Variants in MIEN1 observed in about 807,000 individuals in gnomAD.
MIEN1 encodes the protein migration and invasion enhancer 1.
MIEN1 carries 12 observed loss-of-function variants against 15.5 expected under a neutral mutation model. The ratio of observed to expected loss-of-function variants is 0.78; its 90% CI spans 0.50 to 1.26. MIEN1 has a LOEUF of 1.26. Ranked by LOEUF, MIEN1 falls within the 50% of genes most tolerant of loss-of-function variation. The pLI is 0.00. For synonymous variants in MIEN1, 63 were observed against 62.8 expected (o/e 1.00, Z -0.02); for missense variants, 160 against 151.7 (o/e 1.05, Z -0.29).
chr17:39,729,523 C>T lies in MIEN1; in HGVS notation c.347G>A (p.Ter116=), dbSNP rs2059921083. The T allele has an allele frequency of 5.0e-6, 8 of 1,613,504 alleles. No individual in the cohort carries two copies. In the African/African-American group the frequency reaches 6.7e-5, roughly 13 times the overall value. Residue 116 remains the stop codon, a stop_retained_variant, in exon 4 of 4, where the codon TGA becomes TAA. Coordinates refer to ENST00000394231, the MANE Select transcript of MIEN1 (RefSeq NM_032339.5). The stretch of plus-strand genomic sequence containing the variant: ...GCAGGAACCCAGAGTCCTGTGCAGT[C>T]ACAGGATGACGCAGGGAGGACGGCT... ...TNSRPPCVIL[*]
chr17:39,729,318 G>C lies in MIEN1; in HGVS notation c.*204C>G. The C allele has an allele frequency of 1.6e-6, 1 of 623,618 alleles. No homozygotes were observed. The highest frequency in any genetic ancestry group is 2.8e-6 in the Non-Finnish European group (1 of 357,780). 38.6% of individuals were successfully genotyped at this position (623,618 alleles called of 1,614,324 possible). A position where few individuals can be genotyped will look rare whatever the true frequency, so the allele number is the denominator to read the frequency against. On this transcript the variant is annotated 3_prime_UTR_variant, in exon 4 of 4. Coordinates refer to ENST00000394231, the MANE Select transcript of MIEN1 (RefSeq NM_032339.5). The stretch of plus-strand genomic sequence containing the variant: ...AAGGGGGTATGAGGTGGCTGGAGAA[G>C]TGTTCATGGAGAGTGTCTCTCTCCT...
At position 39,730,183 on chromosome 17, in the gene MIEN1, G is replaced by A. The variant is rs1198775538; in HGVS notation, c.187+11C>T. 6.3e-7 allele frequency: 1 copy of A among 1,594,162 alleles called. No homozygotes were observed. Among genetic ancestry groups the A allele is most frequent in the East Asian group, 2.2e-5 (1 of 44,468 alleles). On this transcript the variant is annotated intron_variant, in intron 2 of 3. Transcript: ENST00000394231. Reference sequence around the variant, plus strand: ...CACAGACTGACCCAGCAGGTGTTCTGCGAGCCTCACCTGTGCCCCCGAGGC... The same window carrying A: ...CACAGACTGACCCAGCAGGTGTTCTACGAGCCTCACCTGTGCCCCCGAGGC...
rs1354489004 is a variant in MIEN1 at position 39,730,464 on chromosome 17, G to A, written c.32C>T (p.Ala11Val). ...CGGCTCGACCTCCTCGGGAGGGGGC[G>A]CTACGGACGTCTGCCCCGGCTCCCC... MSGEPGQTSV[A>V]PPPEEVEPGS... is the part of the protein sequence containing the mutation. Residue 11 changes from alanine (A) to valine (V), a missense_variant, in exon 1 of 4, where the codon GCG becomes GTG. By Grantham distance (64) the Ala-to-Val change is moderately conservative. Transcript: ENST00000394231. 3.2e-6 allele frequency: 5 copies of A among 1,543,942 alleles called. No homozygotes were observed. Among genetic ancestry groups the A allele is most frequent in the Admixed American group, 3.9e-5 (2 of 50,868 alleles).
chr17:39,729,637 G>C, intron 3 of MIEN1, 32 bp from the exon 4 acceptor site: 1 of 1,614,108 alleles, frequency 6.2e-7, no homozygotes, highest in African/African-American at 1.3e-5. Context: ...ATGATGCACT[G>C]TTGGGGTAGG....
intron 2 of MIEN1, 27 bp downstream of exon 2, chr17:39,730,167 A>G (rs1282158921): frequency 6.3e-7 from 1 of 1,575,610 alleles, no homozygotes; most frequent in Admixed American, 1.8e-5. Context: ...GCACAGACTG[A>G]CCCAGCAGGT....
Position 39,729,490 on chromosome 17 carries a change from A to AG in MIEN1, c.*31dup. 1.2e-6 allele frequency: 2 copies of AG among 1,612,724 alleles called. No homozygotes were observed. Among genetic ancestry groups the AG allele is most frequent in the Non-Finnish European group, 1.7e-6 (2 of 1,179,958 alleles). ...AAAGGGAGACCAAGGTTTGGACCCC[A>AG]GAACAGAGCAGGAACCCAGAGTCCT... On this transcript the variant is annotated 3_prime_UTR_variant, in exon 4 of 4. Coordinates refer to ENST00000394231, the MANE Select transcript of MIEN1 (RefSeq NM_032339.5).
At chr17:39,730,366 C>G in intron 1 of MIEN1, 41 bp downstream of exon 1, 2 of 1,555,994 alleles carry the variant, frequency 1.3e-6, no homozygotes, top group South Asian at 1.2e-5. Flanking sequence ...CCGTCCGGCC[C>G]GCGGGACCAG....
In MIEN1 at chr17:39,729,766, T is replaced by C; in HGVS notation, c.188-5A>G. On this transcript the variant is annotated splice_polypyrimidine_tract_variant and splice_region_variant and intron_variant, in intron 2 of 3. Transcript: ENST00000394231. ...TTATCTCTATCTCAAAGGCACCTGG[T>C]AAGAAATCAACAGATAAATGGTACA... 1 of 1,614,080 alleles carries C rather than the reference T, an allele frequency of 6.2e-7. No homozygotes were observed.
At position 39,730,264 on chromosome 17, in the gene MIEN1, G is replaced by T; in HGVS notation, c.117C>A (p.Tyr39Ter). Residue 39 changes from tyrosine (Y) to a stop codon, truncating the protein, a stop_gained, in exon 2 of 4, where the codon TAC becomes TAA. Coordinates refer to ENST00000394231, the MANE Select transcript of MIEN1 (RefSeq NM_032339.5). LOFTEE classifies it high-confidence loss of function. Reference sequence around the variant, plus strand: ...CCTTCACAGCACTGGCCAGCTCCAGGTAGGTCGCCTCGAAGCCGCAGGGTT... The same window carrying T: ...CCTTCACAGCACTGGCCAGCTCCAGTTAGGTCGCCTCGAAGCCGCAGGGTT... ...YCEPCGFEAT[Y>*]LELASAVKEQ... 6.2e-7 allele frequency: 1 copy of T among 1,609,184 alleles called. No individual in the cohort carries two copies.
Position 39,729,631 on chromosome 17 carries a change from T to A in MIEN1, c.265-26A>T, listed in dbSNP as rs543651471. Reference sequence around the variant, plus strand: ...CTAGAGGAGTGGAATGACAGGATGATGCACTGTTGGGGTAGGGTGACCAAG... The same window carrying A: ...CTAGAGGAGTGGAATGACAGGATGAAGCACTGTTGGGGTAGGGTGACCAAG... On this transcript the variant is annotated intron_variant, in intron 3 of 3. Transcript: ENST00000394231. 9.9e-6 allele frequency: 16 copies of A among 1,614,104 alleles called. No homozygotes were observed. The South Asian group carries it at 1.8e-4, about 18-fold the overall frequency.
In MIEN1 at chr17:39,729,250, G is replaced by T; in HGVS notation, c.*272C>A. On this transcript the variant is annotated 3_prime_UTR_variant, in exon 4 of 4. Transcript: ENST00000394231. ...TCTGTGGCATCAGACAGGTATTACC[G>T]AGGCGAAGAGTGGACTGGGCTTTCG... 1 of 521,480 alleles carries T rather than the reference G, an allele frequency of 1.9e-6. No homozygotes were observed. Among genetic ancestry groups the T allele is most frequent in the South Asian group, 2.5e-5 (1 of 40,154 alleles). 32.3% of individuals were successfully genotyped at this position (521,480 alleles called of 1,614,324 possible). A position where few individuals can be genotyped will look rare whatever the true frequency, so the allele number is the denominator to read the frequency against.
chr17:39,730,364 C>T, intron 1 of MIEN1, 43 bp downstream of exon 1: 1 of 1,555,800 alleles, frequency 6.4e-7, no homozygotes, highest in South Asian at 1.2e-5. Context: ...CTCCGTCCGG[C>T]CCGCGGGACC....
At position 39,729,744 on chromosome 17, in the gene MIEN1, T is replaced by C; in HGVS notation, c.205A>G (p.Ile69Val). ...LGGTGAFEIE[I>V]NGQLVFSKLE... ...TTGGAGAACACCAGCTGTCCATTTA[T>C]CTCTATCTCAAAGGCACCTGGTAAG... Residue 69 changes from isoleucine to valine, a missense_variant, in exon 3 of 4, where the codon ATA (isoleucine) becomes GTA (valine). Transcript: ENST00000394231. 1 of 1,614,132 alleles carries C rather than the reference T, an allele frequency of 6.2e-7. No individual in the cohort carries two copies. The highest frequency in any genetic ancestry group is 8.5e-7 in the Non-Finnish European group (1 of 1,180,004).
intron 2 of MIEN1, 122 bp downstream of exon 2, chr17:39,730,072 C>T: frequency 1.0e-6 from 1 of 978,904 alleles, no homozygotes; most frequent in Non-Finnish European, 1.5e-6. Flanking sequence ...GTTGGCCGGA[C>T]ATTTTACCAT....
chr17:39,730,432 C>T lies in MIEN1; in HGVS notation c.64G>A (p.Gly22Arg). ...CAGTACTCCACCACGATGCGGACCC[C>T]ACTGCCCGGCTCGACCTCCTCGGGA... is the stretch of plus-strand genomic sequence containing the variant. ...PPPEEVEPGS[G>R]VRIVVEYCEP... Residue 22 changes from glycine (G) to arginine (R), a missense_variant, in exon 1 of 4, where the codon GGG becomes AGG. Transcript: ENST00000394231. The T allele has an allele frequency of 3.2e-6, 5 of 1,552,454 alleles. No individual in the cohort carries two copies. Among genetic ancestry groups the T allele is most frequent in the Non-Finnish European group, 4.4e-6 (5 of 1,149,418 alleles).
Position 39,728,760 on chromosome 17 carries a change from AG to A in MIEN1, c.*761del, listed in dbSNP as rs4252663. 4.7e-6 allele frequency: 1 copy of A among 215,040 alleles called. No individual in the cohort carries two copies. Among genetic ancestry groups the A allele is most frequent in the Admixed American group, 5.9e-5 (1 of 17,066 alleles). The allele number at this position is 215,040 out of a possible 1,614,324, so 13.3% of individuals were successfully genotyped here. A position where few individuals can be genotyped will look rare whatever the true frequency, so the allele number is the denominator to read the frequency against. ...CTGGAGGGAGTGGCTGGGAATCTTC[AG>A]AAAGCTTGGATGAGGAGCCAGACAT... On this transcript the variant is annotated 3_prime_UTR_variant, in exon 4 of 4. Transcript: ENST00000394231.
Position 39,728,617 on chromosome 17 carries a change from C to T in MIEN1, c.*905G>A, listed in dbSNP as rs987524957. ...GGAGGCAAGTGTGGGGGGTCCTTCT[C>T]CACACCCACTTTGTCCATTTGCAAA... On this transcript the variant is annotated 3_prime_UTR_variant, in exon 4 of 4. Coordinates refer to ENST00000394231, the MANE Select transcript of MIEN1 (RefSeq NM_032339.5). 8.6e-6 allele frequency: 2 copies of T among 233,282 alleles called. No individual in the cohort carries two copies. The highest frequency in any genetic ancestry group is 1.7e-5 in the Non-Finnish European group (2 of 118,122). 14.5% of individuals were successfully genotyped at this position (233,282 alleles called of 1,614,324 possible). A position where few individuals can be genotyped will look rare whatever the true frequency, so the allele number is the denominator to read the frequency against.
In MIEN1 at chr17:39,729,579, A is replaced by G; in HGVS notation, c.291T>C (p.Ser97=). 1 of 1,614,122 alleles carries G rather than the reference A, an allele frequency of 6.2e-7. No homozygotes were observed. The highest frequency in any genetic ancestry group is 8.5e-7 in the Non-Finnish European group (1 of 1,180,026). Residue 97 remains serine (S), a synonymous_variant, in exon 4 of 4, where the codon AGT becomes AGC. Coordinates refer to ENST00000394231, the MANE Select transcript of MIEN1 (RefSeq NM_032339.5). ...KDLIEAIRRA[S]NGETLEKITN... ...TGATCTTTTCTAGGGTTTCTCCATT[A>G]CTGGCTCTTCGGATGGCCTCAATGA...
chr17:39,730,484 C>G lies in MIEN1; in HGVS notation c.12G>C (p.Glu4Asp). The change falls in exon 1 of 4, where the codon GAG becomes GAC. Residue 4 changes from glutamate (E) to aspartate (D), a missense_variant. Coordinates refer to ENST00000394231, the MANE Select transcript of MIEN1 (RefSeq NM_032339.5). ...GGGGCGCTACGGACGTCTGCCCCGGCTCCCCGCTCATCGCGGCCGGCTCCG... is the reference window on the plus strand; with the variant it reads ...GGGGCGCTACGGACGTCTGCCCCGGGTCCCCGCTCATCGCGGCCGGCTCCG... MSG[E>D]PGQTSVAPPP... is the part of the protein sequence containing the mutation. 6.5e-7 allele frequency: 1 copy of G among 1,535,768 alleles called. No homozygotes were observed. Among genetic ancestry groups the G allele is most frequent in the Non-Finnish European group, 8.7e-7 (1 of 1,144,372 alleles).
Sources: gnomAD v4.1 joint callset for allele counts on GRCh38, gnomAD v4.1.1 for gene constraint, MANE v1.5 for transcripts, NCBI Gene and HGNC (gene_info 2026-07-23, HGNC 2026-07-21) for gene names.